The following LUZP2 variants were observed in gnomAD, a reference collection of about 807,000 sequenced individuals.
LUZP2 encodes leucine zipper protein 2.
LUZP2 carries 52 observed loss-of-function variants against 51.6 expected under a neutral mutation model. The observed-to-expected ratio is 1.01, with a 90% confidence interval of 0.81 to 1.27. The LOEUF is 1.27. Ranked by LOEUF, LUZP2 falls within the 50% of genes most tolerant of loss-of-function variation. LUZP2 has a pLI of 0.00. For synonymous variants in LUZP2, 154 were observed against 137.3 expected, an observed-to-expected ratio of 1.12 and a Z score of -0.85; for missense variants, 436 against 395.4, an observed-to-expected ratio of 1.10 and a Z score of -0.87.
chr11:24,541,555 A>T (rs919033798), intron 1 of LUZP2, among the ~76,000 whole-genome samples: 7 of 152,060 alleles, frequency 4.6e-5, no homozygotes, highest in African/African-American at 9.7e-5. Context: ...TTTAGATTTA[A>T]TGTGTATGGA....
intron 1 of LUZP2, among the ~76,000 whole-genome samples, chr11:24,619,891 G>A (rs1359458385): frequency 6.6e-6 from 1 of 151,864 alleles, no homozygotes; most frequent in African/African-American, 2.4e-5. Context: ...TGGATCCATG[G>A]GTATAGAACC....
chr11:24,766,265 C>T (rs141355254), intron 5 of LUZP2, among the ~76,000 whole-genome samples: 23 of 152,074 alleles, frequency 1.5e-4, no homozygotes, highest in African/African-American at 5.3e-4. Flanking sequence ...AAATCTATTC[C>T]GCAACAATGT....
chr11:24,602,002 A>ATATGTG lies in LUZP2; in HGVS notation c.62+104700_62+104701insGTGTAT, dbSNP rs1565019995. Among the ~76,000 whole-genome samples the ATATGTG allele has an allele frequency of 6.4e-4, 50 of 78,032 alleles. 10 individuals carry two copies. The highest frequency in any genetic ancestry group is 6.8e-3 in the Middle Eastern group (1 of 148). The allele number at this position is 78,032 out of a possible 152,430, so 51.2% of individuals were successfully genotyped here. On this transcript the variant is annotated intron_variant, in intron 1 of 11. Coordinates refer to ENST00000336930, the MANE Select transcript of LUZP2 (RefSeq NM_001009909.4). ...TGTATATATATGTGTATATATGTAT[A>ATATGTG]TATATGTATATATGTATATATGTGT...
chr11:24,767,082 T>A (rs934145253), intron 5 of LUZP2, among the ~76,000 whole-genome samples: 3 of 152,192 alleles, frequency 2.0e-5, no homozygotes, highest in Non-Finnish European at 4.4e-5. Flanking sequence ...TTATTTTTTT[T>A]ATTTATTTTT....
chr11:24,835,581 AG>A (rs1432869044), intron 5 of LUZP2, among the ~76,000 whole-genome samples: 1 of 152,160 alleles, frequency 6.6e-6, no homozygotes, highest in Non-Finnish European at 1.5e-5. Flanking sequence ...TAATTCAAAT[AG>A]TTCAGATTAC....
In LUZP2 at chr11:25,016,678, T is replaced by A. The variant is rs1857168541; in HGVS notation, c.766-33360T>A. 2.0e-5 allele frequency among the ~76,000 whole-genome samples: 3 copies of A among 152,290 alleles called. No individual in the cohort carries two copies. The South Asian group carries it at 6.2e-4, about 32-fold the overall frequency. ...TTTTCTTTATCCACTTATCAGTTGA[T>A]GTTCACTTAGTTTGGTTTCATAGCT... On this transcript the variant is annotated intron_variant, in intron 9 of 11. Transcript: ENST00000336930.
intron 1 of LUZP2, among the ~76,000 whole-genome samples, chr11:24,650,211 T>A (rs1167000340): frequency 6.6e-6 from 1 of 152,002 alleles, no homozygotes; most frequent in Non-Finnish European, 1.5e-5. Context: ...AGATTCCTTA[T>A]GAACAGAGAT....
chr11:24,926,225 G>GTA lies in LUZP2; in HGVS notation c.522+11697_522+11698dup, dbSNP rs1304428651. Reference sequence around the variant, plus strand: ...TATGTGTGTATATATATATATACGTGTATATATATATGTGTGTGTATATAT... The same window carrying GTA: ...TATGTGTGTATATATATATATACGTGTATATATATATATGTGTGTGTATATAT... On this transcript the variant is annotated intron_variant, in intron 7 of 11. Transcript: ENST00000336930. Among the ~76,000 whole-genome samples, 51 of 145,828 alleles carry GTA rather than the reference G, an allele frequency of 3.5e-4. No homozygotes were observed. The South Asian group carries it at 5.6e-3, about 16-fold the overall frequency.
rs565916668 is a variant in LUZP2 at position 24,707,341 on chromosome 11, TATA to T, written c.63-21824_63-21822del. On this transcript the variant is annotated intron_variant, in intron 1 of 11. Coordinates refer to ENST00000336930, the MANE Select transcript of LUZP2 (RefSeq NM_001009909.4). Reference sequence around the variant, plus strand: ...GTGTGTGTGTGCATGTGTGTGTCTTTATAATATTTTAGGCCAAATGCACCATGA... The same window carrying T: ...GTGTGTGTGTGCATGTGTGTGTCTTTATATTTTAGGCCAAATGCACCATGA... Among the ~76,000 whole-genome samples, 963 of 152,062 alleles carry T rather than the reference TATA, an allele frequency of 6.3e-3. 14 individuals carry two copies. Among genetic ancestry groups the T allele is most frequent in the African/African-American group, 0.02 (842 of 41,450 alleles).
At chr11:24,779,032 G>C (rs192888209) in intron 5 of LUZP2, among the ~76,000 whole-genome samples, 1 of 152,190 alleles carries the variant, frequency 6.6e-6, no homozygotes, top group Non-Finnish European at 1.5e-5. Flanking sequence ...AAATGTGTGT[G>C]TGTGTATTTT....
At chr11:24,553,468 GA>G (rs1851777399) in intron 1 of LUZP2, among the ~76,000 whole-genome samples, 1 of 151,926 alleles carries the variant, frequency 6.6e-6, no homozygotes, top group Non-Finnish European at 1.5e-5. Context: ...TGATAGAATG[GA>G]AAAAGGTATT....
intron 1 of LUZP2, among the ~76,000 whole-genome samples, chr11:24,677,409 T>C (rs1199272105): frequency 2.6e-5 from 4 of 152,236 alleles, no homozygotes; most frequent in Non-Finnish European, 5.9e-5. Flanking sequence ...GTGCTACTTC[T>C]GTCTTCGTGT....
chr11:24,976,713 A>C (rs768796752), intron 8 of LUZP2, 48 bp downstream of exon 8: 4 of 661,912 alleles, frequency 6.0e-6, no homozygotes, highest in Non-Finnish European at 9.1e-6. Context: ...TAGCAAAAAA[A>C]AAAAAAAAAA....
chr11:24,630,170 C>T (rs997398823), intron 1 of LUZP2, among the ~76,000 whole-genome samples: 2 of 151,352 alleles, frequency 1.3e-5, no homozygotes, highest in African/African-American at 4.8e-5. Flanking sequence ...TTATTTATTT[C>T]CTGTACAGAA....
intron 1 of LUZP2, among the ~76,000 whole-genome samples, chr11:24,677,836 T>G (rs1590335702): frequency 6.6e-6 from 1 of 151,622 alleles, no homozygotes; most frequent in Admixed American, 6.6e-5. Flanking sequence ...GATCACGAGG[T>G]CAGGAGATCG....
chr11:24,844,955 C>A (rs1851152211), intron 5 of LUZP2, among the ~76,000 whole-genome samples: 1 of 150,840 alleles, frequency 6.6e-6, no homozygotes, highest in Non-Finnish European at 1.5e-5. Flanking sequence ...TCATGGAGAA[C>A]CTCTGCTAGG....
intron 1 of LUZP2, among the ~76,000 whole-genome samples, chr11:24,524,561 T>G (rs1850735398): frequency 6.6e-6 from 1 of 151,774 alleles, no homozygotes; most frequent in Non-Finnish European, 1.5e-5. Context: ...TAGAAATTTT[T>G]ACTAAGCAAG....
intron 1 of LUZP2, among the ~76,000 whole-genome samples, chr11:24,576,725 T>C (rs1852665152): frequency 6.6e-6 from 1 of 151,998 alleles, no homozygotes; most frequent in Non-Finnish European, 1.5e-5. Flanking sequence ...TATAATGAAT[T>C]GTAGATAATT....
intron 1 of LUZP2, among the ~76,000 whole-genome samples, chr11:24,538,975 G>A (rs937691761): frequency 1.3e-5 from 2 of 151,864 alleles, no homozygotes; most frequent in South Asian, 4.2e-4. Flanking sequence ...AAAAATGAAT[G>A]TATACAGTAG....
Sources: gnomAD v4.1 joint callset for allele counts (sites outside exome capture counted in the v4.1 genomes callset) on GRCh38, gnomAD v4.1.1 for gene constraint, MANE v1.5 for transcripts, NCBI Gene and HGNC (gene_info 2026-07-23, HGNC 2026-07-21) for gene names.